The following TRPM3 variants were observed in gnomAD, a reference collection of about 807,000 sequenced individuals.
The protein encoded by TRPM3 is long transient receptor potential channel 3.
TRPM3 carries 77 observed loss-of-function variants against 181.2 expected under a neutral mutation model. The ratio of observed to expected loss-of-function variants is 0.42; its 90% confidence interval spans 0.35 to 0.51. TRPM3 has a LOEUF of 0.51. TRPM3 is among the 20% of genes least tolerant of loss of function. TRPM3 has a pLI of 0.01. For missense variants in TRPM3, 1,759 were observed against 2,196.7 expected (o/e 0.80, Z 3.98); for synonymous variants, 745 against 796.4 (o/e 0.94, Z 1.09).
At position 70,907,677 on chromosome 9, in the gene TRPM3, G is replaced by A. The variant is rs1487238017; in HGVS notation, c.178-43166C>T. Among the ~76,000 whole-genome samples the A allele has an allele frequency of 2.6e-5, 4 of 152,210 alleles. 1 individual carries two copies. The highest frequency in any genetic ancestry group is 9.6e-5 in the African/African-American group (4 of 41,530). ...CAGTAATGAACATCGTACCCAATAG[G>A]TAGTTTTCCAACCCTTCATTCCCTT... On this transcript the variant is annotated intron_variant, in intron 1 of 25. Transcript: ENST00000677713.
chr9:70,771,177 C>T (rs1336851476), intron 7 of TRPM3, among the ~76,000 whole-genome samples: 2 of 152,152 alleles, frequency 1.3e-5, no homozygotes, highest in African/African-American at 4.8e-5. Context: ...CAACCTCCTA[C>T]TTTAATATTT....
At chr9:71,247,793 T>G (rs2082120875) in intron 1 of TRPM3, among the ~76,000 whole-genome samples, 1 of 152,176 alleles carries the variant, frequency 6.6e-6, no homozygotes, top group Non-Finnish European at 1.5e-5. Flanking sequence ...TGGTCTAGAA[T>G]TATCATCCCA....
chr9:70,762,022 C>T (rs564847190), intron 7 of TRPM3, among the ~76,000 whole-genome samples: 1 of 152,198 alleles, frequency 6.6e-6, no homozygotes, highest in Non-Finnish European at 1.5e-5. Context: ...GTTTGCTTAT[C>T]AAAAATTACC....
chr9:71,033,771 TTTTA>T (rs1452111995), intron 1 of TRPM3, among the ~76,000 whole-genome samples: 2 of 152,306 alleles, frequency 1.3e-5, no homozygotes, highest in Admixed American at 6.5e-5. Context: ...CTTGATGAAT[TTTTA>T]TTTGATAATA....
chr9:71,098,860 T>C (rs1422776105), intron 1 of TRPM3, among the ~76,000 whole-genome samples: 2 of 152,150 alleles, frequency 1.3e-5, no homozygotes, highest in Non-Finnish European at 2.9e-5. Context: ...TTTGCAAATG[T>C]CACTACATCC....
intron 6 of TRPM3, among the ~76,000 whole-genome samples, chr9:70,786,888 G>A (rs1004239068): frequency 8.6e-5 from 13 of 151,908 alleles, no homozygotes; most frequent in African/African-American, 2.7e-4. Flanking sequence ...GGATTCTGTC[G>A]GTGGAATCTT....
At chr9:71,114,156 C>T (rs1307564943) in intron 1 of TRPM3, among the ~76,000 whole-genome samples, 1 of 152,134 alleles carries the variant, frequency 6.6e-6, no homozygotes, top group Non-Finnish European at 1.5e-5. Flanking sequence ...CCTACCTATG[C>T]ATTAAACCTT....
intron 8 of TRPM3, among the ~76,000 whole-genome samples, chr9:70,741,518 A>G (rs574416310): frequency 2.6e-5 from 4 of 152,316 alleles, no homozygotes; most frequent in Admixed American, 1.3e-4. Context: ...ATACCTGCAC[A>G]TGCATCTTTT....
At chr9:71,060,333 C>T (rs945968143) in intron 1 of TRPM3, among the ~76,000 whole-genome samples, 1 of 152,132 alleles carries the variant, frequency 6.6e-6, no homozygotes, top group Non-Finnish European at 1.5e-5. Flanking sequence ...CCACAGCTAA[C>T]ATTTCTCAGC....
At chr9:71,392,495 T>G (rs966917510) in intron 1 of TRPM3, among the ~76,000 whole-genome samples, 1 of 152,116 alleles carries the variant, frequency 6.6e-6, no homozygotes, top group African/African-American at 2.4e-5. Context: ...ATTTTTTGCC[T>G]TGGCTGGGTA....
intron 1 of TRPM3, among the ~76,000 whole-genome samples, chr9:71,291,470 A>T (rs921439533): frequency 1.3e-5 from 2 of 152,156 alleles, no homozygotes; most frequent in African/African-American, 4.8e-5. Flanking sequence ...CATAAAAGCC[A>T]ATTAGATCTT....
intron 1 of TRPM3, among the ~76,000 whole-genome samples, chr9:71,252,195 T>C (rs939359587): frequency 5.3e-5 from 8 of 152,248 alleles, no homozygotes; most frequent in African/African-American, 1.7e-4. Flanking sequence ...AAAATTTAGA[T>C]TGAAACCAAT....
intron 1 of TRPM3, among the ~76,000 whole-genome samples, chr9:71,184,721 AT>A (rs1340957672): frequency 2.4e-4 from 37 of 152,000 alleles, no homozygotes; most frequent in African/African-American, 8.7e-4. Context: ...TTGTTGCCCC[AT>A]TTTTTTCTCC....
intron 1 of TRPM3, among the ~76,000 whole-genome samples, chr9:71,329,964 C>T (rs949259046): frequency 1.1e-4 from 17 of 152,088 alleles, no homozygotes; most frequent in Middle Eastern, 3.4e-3. Flanking sequence ...ACAGGAGTTG[C>T]GGGATGTAAG....
At chr9:70,767,126 A>G (rs1380857395) in intron 7 of TRPM3, among the ~76,000 whole-genome samples, 1 of 152,234 alleles carries the variant, frequency 6.6e-6, no homozygotes, top group Admixed American at 6.5e-5. Context: ...TACAATGCAG[A>G]GTTCTCTCCT....
chr9:70,814,442 A>G (rs2131470631), intron 6 of TRPM3, among the ~76,000 whole-genome samples: 1 of 152,318 alleles, frequency 6.6e-6, no homozygotes, highest in Non-Finnish European at 1.5e-5. Flanking sequence ...ATAATAGTAT[A>G]TCTGGCTACA....
chr9:70,892,076 G>A (rs1039105203), intron 1 of TRPM3, among the ~76,000 whole-genome samples: 11 of 151,952 alleles, frequency 7.2e-5, no homozygotes, highest in African/African-American at 2.4e-4. Flanking sequence ...AGGGATTTAC[G>A]AGGAAAAAAA....
At chr9:71,371,063 G>GAA (rs35238336) in intron 1 of TRPM3, among the ~76,000 whole-genome samples, 82 of 146,638 alleles carry the variant, frequency 5.6e-4, no homozygotes, top group Middle Eastern at 3.5e-3. Context: ...CTACTTCTGA[G>GAA]AAAAAAAAAA....
chr9:71,141,744 G>A (rs1287465065), intron 1 of TRPM3, among the ~76,000 whole-genome samples: 2 of 152,150 alleles, frequency 1.3e-5, no homozygotes, highest in African/African-American at 4.8e-5. Context: ...CATTTTATAA[G>A]TTGACTATAT....
Sources: allele counts gnomAD v4.1 joint callset (sites outside exome capture counted in the v4.1 genomes callset), GRCh38; gene constraint gnomAD v4.1.1; transcripts MANE v1.5; gene names NCBI Gene and HGNC (gene_info 2026-07-23, HGNC 2026-07-21).